Variants in ARMC8 observed in about 807,000 individuals in gnomAD.
ARMC8 encodes armadillo repeat containing 8, also known as armadillo repeat-containing protein 8.
Under a neutral mutation model 99.3 loss-of-function variants are expected in ARMC8, and 20 were observed. The ratio of observed to expected loss-of-function variants is 0.20; its 90% CI spans 0.14 to 0.29. The LOEUF (loss-of-function observed/expected upper bound fraction) is 0.29, where lower values mean the gene tolerates loss of function less well. Ranked by LOEUF, ARMC8 falls within the 10% of genes least tolerant of loss-of-function variation. ARMC8 has a pLI of 1.00. For missense variants in ARMC8, 569 were observed against 809.5 expected, an observed-to-expected ratio of 0.70 and a Z score of 3.60; for synonymous variants, 263 against 278.3, an observed-to-expected ratio of 0.95 and a Z score of 0.55.
chr3:138,243,584 T>C (rs2108184572), intron 11 of ARMC8, among the ~76,000 whole-genome samples: 1 of 152,306 alleles, frequency 6.6e-6, no homozygotes, highest in Non-Finnish European at 1.5e-5. Flanking sequence ...AGTGTCTGCT[T>C]TGAACAGAAG....
rs1269336673 is a variant in ARMC8 at position 138,297,052 on chromosome 3, A to G, written c.*1160A>G. 6.6e-6 allele frequency: 1 copy of G among 152,250 alleles called. No individual in the cohort carries two copies. Among genetic ancestry groups the G allele is most frequent in the Non-Finnish European group, 1.5e-5 (1 of 68,044 alleles). 9.4% of individuals were successfully genotyped at this position (152,250 alleles called of 1,614,324 possible). A position where few individuals can be genotyped will look rare whatever the true frequency, so the allele number is the denominator to read the frequency against. On this transcript the variant is annotated 3_prime_UTR_variant, in exon 22 of 22. Coordinates refer to ENST00000469044, the MANE Select transcript of ARMC8 (RefSeq NM_001363941.2). ...AAAGAAACAAAGAACAGGATAGTTT[A>G]GAAAGCTTTCTGTTAGCTGTATTCA...
rs185713405 is a variant in ARMC8 at position 138,189,977 on chromosome 3, C to G, written c.45+2378C>G. 3.5e-3 allele frequency among the ~76,000 whole-genome samples: 540 copies of G among 152,314 alleles called. 2 individuals are homozygous for G. The highest frequency in any genetic ancestry group is 0.012 in the African/African-American group (515 of 41,570). On this transcript the variant is annotated intron_variant, in intron 1 of 21. Transcript: ENST00000469044. The stretch of plus-strand genomic sequence containing the variant: ...TCTGATTCTTCCTCCTTTCATCCCC[C>G]TGTATCTACCAGTTGTTAAGCTCTG...
chr3:138,245,720 C>T, intron 12 of ARMC8: 1 of 991,826 alleles, frequency 1.0e-6, no homozygotes, highest in East Asian at 1.1e-4. Flanking sequence ...AATTTTCCAG[C>T]TCCCCAGAAA....
chr3:138,242,041 T>G, intron 11 of ARMC8, 58 bp downstream of exon 11: 14 of 1,474,054 alleles, frequency 9.5e-6, no homozygotes, highest in Non-Finnish European at 1.3e-5. Context: ...TTTTTCTTAC[T>G]GTTCACAGTT....
intron 3 of ARMC8, among the ~76,000 whole-genome samples, chr3:138,222,380 A>G (rs1045156074): frequency 2.0e-4 from 31 of 152,224 alleles, no homozygotes; most frequent in African/African-American, 6.5e-4. Flanking sequence ...TTTAAAGGAA[A>G]AAAACCCTGC....
At chr3:138,240,511 A>G (rs573133308) in intron 10 of ARMC8, among the ~76,000 whole-genome samples, 52 of 152,292 alleles carry the variant, frequency 3.4e-4, no homozygotes, top group Non-Finnish European at 5.9e-4. Context: ...TTCTTCACAT[A>G]GTAGTCATGA....
At chr3:138,262,490 G>T in intron 12 of ARMC8, 1 of 1,580,142 alleles carries the variant, frequency 6.3e-7, no homozygotes, top group South Asian at 1.2e-5. Context: ...AACATCCTGA[G>T]GTTTTCCACT....
chr3:138,203,783 A>G (rs941805830), intron 1 of ARMC8, among the ~76,000 whole-genome samples: 3 of 152,224 alleles, frequency 2.0e-5, no homozygotes, highest in Non-Finnish European at 4.4e-5. Flanking sequence ...ACTTTTCCAC[A>G]ATGGAATACA....
rs530844343 is a variant in ARMC8, at chr3:138,229,860, A to G, written c.528+850A>G. Among the ~76,000 whole-genome samples the G allele has an allele frequency of 4.4e-4, 67 of 152,328 alleles. No homozygotes were observed. The South Asian group carries it at 0.013, about 29-fold the overall frequency. On this transcript the variant is annotated intron_variant, in intron 6 of 21. Coordinates refer to ENST00000469044, the MANE Select transcript of ARMC8 (RefSeq NM_001363941.2). ...TATTGTATCATTTATAATACATCCT[A>G]TCATTTATAATACAAGTCACAAGTA...
At chr3:138,257,938 A>G (rs545127487) in intron 12 of ARMC8, among the ~76,000 whole-genome samples, 1 of 152,270 alleles carries the variant, frequency 6.6e-6, no homozygotes, top group Admixed American at 6.5e-5. Flanking sequence ...TTATCCACTT[A>G]GATATTAAAT....
At chr3:138,241,742 C>G (rs778516622) in intron 10 of ARMC8, 41 bp from the exon 11 acceptor site, 1 of 1,579,422 alleles carries the variant, frequency 6.3e-7, no homozygotes. Context: ...TAAGCTTTTA[C>G]CTTTACCAAA....
chr3:138,223,957 CTTTTT>C (rs1037473550), intron 5 of ARMC8, among the ~76,000 whole-genome samples: 3 of 133,648 alleles, frequency 2.2e-5, no homozygotes, highest in Non-Finnish European at 3.2e-5. Flanking sequence ...GACTCCATCT[CTTTTT>C]TTTTTTTTTT....
chr3:138,207,180 T>G (rs1015015491), intron 1 of ARMC8, among the ~76,000 whole-genome samples: 1 of 152,234 alleles, frequency 6.6e-6, no homozygotes, highest in Admixed American at 6.5e-5. Context: ...ACACTCTTAC[T>G]CATTTTCCAA....
intron 12 of ARMC8, chr3:138,262,616 T>A: frequency 6.6e-7 from 1 of 1,523,086 alleles, no homozygotes; most frequent in Non-Finnish European, 8.9e-7. Flanking sequence ...AAAAAAAATT[T>A]AGGTGCCTAG....
intron 6 of ARMC8, among the ~76,000 whole-genome samples, chr3:138,229,625 G>A (rs563887718): frequency 7.2e-5 from 11 of 152,198 alleles, no homozygotes; most frequent in African/African-American, 2.4e-4. Flanking sequence ...ACTGGAAACT[G>A]GTTTAAGTGA....
chr3:138,223,325 T>A (rs2045507779), intron 3 of ARMC8, 64 bp from the exon 4 acceptor site: 1 of 1,511,962 alleles, frequency 6.6e-7, no homozygotes, highest in South Asian at 1.2e-5. Context: ...ACAGCCTTTT[T>A]TGGTCACATT....
chr3:138,291,496 G>T (rs982175885), intron 21 of ARMC8, among the ~76,000 whole-genome samples: 1 of 152,150 alleles, frequency 6.6e-6, no homozygotes, highest in African/African-American at 2.4e-5. Flanking sequence ...TTAGGCACTG[G>T]AGATATAATG....
chr3:138,281,824 G>T (rs2049959780), intron 18 of ARMC8, among the ~76,000 whole-genome samples: 1 of 152,068 alleles, frequency 6.6e-6, no homozygotes, highest in Non-Finnish European at 1.5e-5. Flanking sequence ...TGGGTAAGAG[G>T]GGGTAGCTGT....
At chr3:138,187,667 C>G in intron 1 of ARMC8, 68 bp downstream of exon 1, 1 of 1,500,500 alleles carries the variant, frequency 6.7e-7, no homozygotes, top group African/African-American at 1.4e-5. Context: ...ACCATTCCCC[C>G]AAGCGTGGTG....
Sources: gnomAD v4.1 joint callset for allele counts (sites outside exome capture counted in the v4.1 genomes callset) on GRCh38, gnomAD v4.1.1 for gene constraint, MANE v1.5 for transcripts, NCBI Gene and HGNC (gene_info 2026-07-23, HGNC 2026-07-21) for gene names.